The following IL1RAPL1 variants were observed in gnomAD, a reference collection of about 807,000 sequenced individuals.
The protein encoded by IL1RAPL1 is interleukin 1 receptor accessory protein like 1.
A neutral mutation model predicts 48.4 loss-of-function variants in IL1RAPL1; 3 were observed. The ratio of observed to expected loss-of-function variants is 0.06; its 90% CI spans 0.03 to 0.16. The LOEUF is 0.16. Ranked by LOEUF, IL1RAPL1 falls within the 10% of genes least tolerant of loss-of-function variation. IL1RAPL1 has a pLI of 1.00. For synonymous variants in IL1RAPL1, 185 were observed against 187.7 expected, an observed-to-expected ratio of 0.99 and a Z score of 0.12; for missense variants, 349 against 530.6, an observed-to-expected ratio of 0.66 and a Z score of 3.36.
chrX:29,472,521 C>G (rs1030666292), intron 5 of IL1RAPL1, among the ~76,000 whole-genome samples: 4 of 112,046 alleles, frequency 3.6e-5, no homozygotes, highest in Non-Finnish European at 7.5e-5. Flanking sequence ...TTTATTTACC[C>G]TGAATATATA....
At chrX:28,791,925 A>G (rs183300309) in intron 2 of IL1RAPL1, among the ~76,000 whole-genome samples, 6 of 111,936 alleles carry the variant, frequency 5.4e-5, no homozygotes, top group Non-Finnish European at 1.1e-4. Context: ...CCATACATCA[A>G]GTAGAAGAGG....
intron 1 of IL1RAPL1, among the ~76,000 whole-genome samples, chrX:28,646,603 AG>A (rs1177210640): frequency 8.9e-6 from 1 of 112,599 alleles, no homozygotes; most frequent in Admixed American, 9.4e-5. Flanking sequence ...AGAGCAGAGC[AG>A]TGTGGCAATT....
intron 5 of IL1RAPL1, among the ~76,000 whole-genome samples, chrX:29,413,932 T>G (rs2147699950): frequency 9.0e-6 from 1 of 111,117 alleles, no homozygotes; most frequent in Non-Finnish European, 1.9e-5. Context: ...TGTGTATATA[T>G]ATGTGTGTGT....
At chrX:29,673,079 C>G (rs1349326136) in intron 6 of IL1RAPL1, among the ~76,000 whole-genome samples, 2 of 111,791 alleles carry the variant, frequency 1.8e-5, no homozygotes, top group African/African-American at 3.2e-5. Context: ...GCTTGTTCCA[C>G]CATACTGTAG....
chrX:29,174,036 T>C, intron 2 of IL1RAPL1, among the ~76,000 whole-genome samples: 1 of 110,290 alleles, frequency 9.1e-6, no homozygotes, highest in South Asian at 4.0e-4. Context: ...TTCTCCTGCC[T>C]CAGCCTCCCG....
At chrX:29,096,312 T>C (rs896073855) in intron 2 of IL1RAPL1, among the ~76,000 whole-genome samples, 1 of 112,011 alleles carries the variant, frequency 8.9e-6, no homozygotes, top group Non-Finnish European at 1.9e-5. Context: ...TGTGTAAGTC[T>C]TCTCCCTGAA....
rs183699540 is a variant in IL1RAPL1, at chrX:28,591,775, G to A, written c.-25+3728G>A. 3.6e-5 allele frequency among the ~76,000 whole-genome samples: 4 copies of A among 110,869 alleles called. No individual in the cohort carries two copies. The East Asian group carries it at 1.1e-3, about 31-fold the overall frequency. On this transcript the variant is annotated intron_variant, in intron 1 of 10. Coordinates refer to ENST00000378993, the MANE Select transcript of IL1RAPL1 (RefSeq NM_014271.4). ...TCAGAGGGCTCGAAACTGTACTTCC[G>A]GCTCTGTCAATTACTAGCCTTGTGA... is the stretch of plus-strand genomic sequence containing the variant.
intron 2 of IL1RAPL1, among the ~76,000 whole-genome samples, chrX:29,133,981 G>A (rs1224319559): frequency 9.0e-6 from 1 of 111,543 alleles, no homozygotes; most frequent in Non-Finnish European, 1.9e-5. Context: ...TTAGTGATAT[G>A]CATTTCAATT....
At chrX:28,932,655 A>G (rs1362595651) in intron 2 of IL1RAPL1, among the ~76,000 whole-genome samples, 2 of 109,578 alleles carry the variant, frequency 1.8e-5, no homozygotes, top group Non-Finnish European at 3.8e-5. Context: ...TTAGCTTTTT[A>G]TGTTTCTAAT....
intron 2 of IL1RAPL1, among the ~76,000 whole-genome samples, chrX:28,882,172 A>G (rs1321968054): frequency 9.0e-6 from 1 of 110,918 alleles, no homozygotes; most frequent in African/African-American, 3.3e-5. Context: ...GTCATACTAT[A>G]TCTTTAAAAA....
intron 1 of IL1RAPL1, among the ~76,000 whole-genome samples, chrX:28,765,030 A>T (rs1179890065): frequency 9.1e-6 from 1 of 109,692 alleles, no homozygotes; most frequent in African/African-American, 3.3e-5. Flanking sequence ...GGAAACCATC[A>T]TTCTCAGCAA....
chrX:29,705,022 T>G (rs1039740938), intron 6 of IL1RAPL1, among the ~76,000 whole-genome samples: 1 of 111,458 alleles, frequency 9.0e-6, no homozygotes, highest in Non-Finnish European at 1.9e-5. Flanking sequence ...TTCAGCCAAA[T>G]AGTGAGCATT....
chrX:29,101,921 G>T (rs1928347837), intron 2 of IL1RAPL1, among the ~76,000 whole-genome samples: 1 of 111,225 alleles, frequency 9.0e-6, no homozygotes, highest in Admixed American at 9.5e-5. Context: ...TGGGCAACAA[G>T]AACGAAACTC....
At chrX:29,369,200 G>T (rs1933510185) in intron 3 of IL1RAPL1, 1 of 110,476 alleles carries the variant, frequency 9.1e-6, no homozygotes, top group Non-Finnish European at 1.9e-5. Flanking sequence ...GTTGCTGAAA[G>T]TATTGTTGCA....
intron 5 of IL1RAPL1, among the ~76,000 whole-genome samples, chrX:29,422,189 T>G (rs1037940121): frequency 3.6e-5 from 4 of 111,266 alleles, no homozygotes; most frequent in African/African-American, 9.8e-5. Context: ...TCTTTGGAAT[T>G]TGAATGAGCC....
At chrX:28,712,831 T>TA (rs934271021) in intron 1 of IL1RAPL1, among the ~76,000 whole-genome samples, 3 of 110,542 alleles carry the variant, frequency 2.7e-5, no homozygotes, top group Admixed American at 9.7e-5. Flanking sequence ...CTATTTTTTT[T>TA]AAAAAAAGAG....
At chrX:28,987,137 A>C (rs1925494920) in intron 2 of IL1RAPL1, among the ~76,000 whole-genome samples, 1 of 112,124 alleles carries the variant, frequency 8.9e-6, no homozygotes, top group South Asian at 3.7e-4. Flanking sequence ...AAGAGTCTGA[A>C]AGTCTATTTA....
At chrX:29,371,126 C>CTTTTTTTTTTT (rs1168566971) in intron 3 of IL1RAPL1, among the ~76,000 whole-genome samples, 1 of 56,720 alleles carries the variant, frequency 1.8e-5, no homozygotes, top group African/African-American at 7.4e-5. Flanking sequence ...TCTAAATGTA[C>CTTTTTTTTTTT]TTTTTTTTTT....
At chrX:29,547,385 T>C (rs183132462) in intron 5 of IL1RAPL1, among the ~76,000 whole-genome samples, 20 of 111,100 alleles carry the variant, frequency 1.8e-4, no homozygotes, top group South Asian at 7.6e-4. Context: ...TGAAGGACTG[T>C]CTATATTAAA....
Sources: gnomAD v4.1 joint callset for allele counts (sites outside exome capture counted in the v4.1 genomes callset) on GRCh38, gnomAD v4.1.1 for gene constraint, MANE v1.5 for transcripts, NCBI Gene and HGNC (gene_info 2026-07-23, HGNC 2026-07-21) for gene names.